FANCL: variants seen among roughly 807,000 people sequenced by gnomAD.
FANCL encodes E3 ubiquitin-protein ligase FANCL.
Under a neutral mutation model 59.4 loss-of-function variants are expected in FANCL, and 69 were observed. The observed-to-expected ratio is 1.16, with a 90% CI of 0.96 to 1.42. The LOEUF is 1.42. Ranked by LOEUF, FANCL falls within the 40% of genes most tolerant of loss-of-function variation. FANCL has a pLI of 0.00. For missense variants in FANCL, 519 were observed against 447.2 expected (o/e 1.16, Z -1.45); for synonymous variants, 180 against 147.1 (o/e 1.22, Z -1.62).
chr2:58,231,052 T>G (rs1269150665), intron 2 of FANCL, among the ~76,000 whole-genome samples: 2 of 152,212 alleles, frequency 1.3e-5, no homozygotes, highest in South Asian at 4.1e-4. Flanking sequence ...TTGCTAACCA[T>G]GCCTTGCTTA....
chr2:58,189,518 T>C (rs967253365), intron 7 of FANCL, among the ~76,000 whole-genome samples: 1 of 152,110 alleles, frequency 6.6e-6, no homozygotes, highest in Non-Finnish European at 1.5e-5. Flanking sequence ...TGTATATATA[T>C]TGGAGAAGAG....
intron 1 of FANCL, among the ~76,000 whole-genome samples, chr2:58,236,734 T>C (rs2103991107): frequency 6.6e-6 from 1 of 151,610 alleles, no homozygotes; most frequent in East Asian, 1.9e-4. Context: ...ACACTAAATA[T>C]TAAAACACAA....
At chr2:58,237,803 G>C (rs1041620201) in intron 1 of FANCL, among the ~76,000 whole-genome samples, 2 of 152,102 alleles carry the variant, frequency 1.3e-5, no homozygotes, top group Non-Finnish European at 2.9e-5. Context: ...TTTGAATATA[G>C]ACTAAGAAAC....
At chr2:58,201,542 G>A (rs774019849) in intron 6 of FANCL, among the ~76,000 whole-genome samples, 5 of 151,970 alleles carry the variant, frequency 3.3e-5, no homozygotes, top group African/African-American at 1.2e-4. Context: ...AATTGCAGCA[G>A]AGAAAGAGTG....
intron 7 of FANCL, among the ~76,000 whole-genome samples, chr2:58,195,681 T>C (rs1558780033): frequency 6.6e-6 from 1 of 151,904 alleles, no homozygotes; most frequent in African/African-American, 2.4e-5. Flanking sequence ...TATCAAAATA[T>C]AGATAAAATG....
chr2:58,216,435 G>A (rs1230928811), intron 5 of FANCL, among the ~76,000 whole-genome samples: 2 of 151,920 alleles, frequency 1.3e-5, no homozygotes, highest in Admixed American at 6.6e-5. Flanking sequence ...AATGCAGCAG[G>A]GGCAATGAGA....
At chr2:58,222,896 T>C (rs955426275) in intron 4 of FANCL, among the ~76,000 whole-genome samples, 3 of 151,888 alleles carry the variant, frequency 2.0e-5, no homozygotes, top group Admixed American at 1.3e-4. Flanking sequence ...CGAAAGTAGA[T>C]AGGGACAAGT....
At chr2:58,214,822 T>C (rs530396061) in intron 5 of FANCL, among the ~76,000 whole-genome samples, 3 of 152,234 alleles carry the variant, frequency 2.0e-5, no homozygotes, top group East Asian at 1.9e-4. Context: ...CCATGAGGAA[T>C]CTTAAGTCTT....
intron 5 of FANCL, among the ~76,000 whole-genome samples, chr2:58,212,428 T>C (rs1426675023): frequency 2.0e-5 from 3 of 152,108 alleles, no homozygotes; most frequent in African/African-American, 7.2e-5. Flanking sequence ...ACACAGGGGA[T>C]ACAGAACCAA....
At chr2:58,221,283 A>G (rs1420726409) in intron 5 of FANCL, among the ~76,000 whole-genome samples, 2 of 152,160 alleles carry the variant, frequency 1.3e-5, no homozygotes, top group East Asian at 3.9e-4. Context: ...TAATAAATGT[A>G]ATGTTTCAAA....
intron 7 of FANCL, among the ~76,000 whole-genome samples, chr2:58,166,603 A>G (rs1685977625): frequency 6.6e-6 from 1 of 152,250 alleles, no homozygotes. Context: ...TGTTTAAAAG[A>G]TACAACTGCT....
At chr2:58,241,353 G>C (rs199661008), upstream of FANCL, 18 of 1,591,782 alleles carry the variant, frequency 1.1e-5, no homozygotes, top group East Asian at 2.0e-4. Flanking sequence ...CTCTAGACCT[G>C]CTGGGTCCTG....
At chr2:58,185,079 A>G (rs1179460510) in intron 7 of FANCL, among the ~76,000 whole-genome samples, 1 of 152,166 alleles carries the variant, frequency 6.6e-6, no homozygotes, top group Non-Finnish European at 1.5e-5. Context: ...TACTACATGC[A>G]GAGGGAGCAC....
At chr2:58,168,758 TG>T (rs1388795746) in intron 7 of FANCL, among the ~76,000 whole-genome samples, 4 of 151,948 alleles carry the variant, frequency 2.6e-5, no homozygotes, top group Admixed American at 1.3e-4. Flanking sequence ...TCAAGCTTGG[TG>T]GGGGAAGGGA....
intron 5 of FANCL, among the ~76,000 whole-genome samples, chr2:58,214,673 T>C (rs992139420): frequency 1.3e-5 from 2 of 151,766 alleles, no homozygotes; most frequent in African/African-American, 4.8e-5. Context: ...AATTTATTTA[T>C]TTATTTATTT....
At chr2:58,163,255 T>C (rs1386266644) in intron 9 of FANCL, 179 bp downstream of exon 9, 1 of 736,472 alleles carries the variant, frequency 1.4e-6, no homozygotes, top group African/African-American at 1.8e-5. Context: ...ATAACTATCA[T>C]TATTGCGGTG....
chr2:58,163,182 T>C, intron 9 of FANCL, 108 bp from the exon 10 acceptor site: 1 of 1,003,722 alleles, frequency 1.0e-6, no homozygotes, highest in Non-Finnish European at 1.5e-6. Context: ...AAATCAAAAT[T>C]ATATGTATTA....
chr2:58,174,122 C>A (rs998720072), intron 7 of FANCL, among the ~76,000 whole-genome samples: 62 of 152,206 alleles, frequency 4.1e-4, no homozygotes, highest in African/African-American at 1.4e-3. Context: ...TACAGGAGCA[C>A]CCAGATTCAT....
intron 7 of FANCL, among the ~76,000 whole-genome samples, chr2:58,179,609 T>C (rs1687719078): frequency 6.6e-6 from 1 of 152,124 alleles, no homozygotes; most frequent in Admixed American, 6.5e-5. Flanking sequence ...GACTTAAACA[T>C]AAGACCTAAA....
Sources: allele counts gnomAD v4.1 joint callset (sites outside exome capture counted in the v4.1 genomes callset), GRCh38; gene constraint gnomAD v4.1.1; transcripts MANE v1.5; gene names NCBI Gene and HGNC (gene_info 2026-07-23, HGNC 2026-07-21).